The following UNC13C variants were observed in gnomAD, a reference collection of about 807,000 sequenced individuals.
UNC13C encodes protein unc-13 homolog C.
Under a neutral mutation model 245.4 loss-of-function variants are expected in UNC13C, and 174 were observed. The observed-to-expected ratio is 0.71, with a 90% CI of 0.63 to 0.80. UNC13C has a LOEUF of 0.80. Ranked by LOEUF, UNC13C falls within the 30% of genes least tolerant of loss-of-function variation. The probability of loss-of-function intolerance (pLI) is 0.00; values close to 1 mark genes in which losing one functional copy is unlikely to be tolerated. For synonymous variants in UNC13C, 992 were observed against 895.1 expected, an observed-to-expected ratio of 1.11 and a Z score of -1.93; for missense variants, 2,829 against 2,602.9, an observed-to-expected ratio of 1.09 and a Z score of -1.89.
At chr15:54,227,588 C>A (rs2035427365) in intron 4 of UNC13C, among the ~76,000 whole-genome samples, 1 of 152,170 alleles carries the variant, frequency 6.6e-6, no homozygotes, top group African/African-American at 2.4e-5. Flanking sequence ...TCCCTGAGTG[C>A]ACACACACCA....
chr15:54,219,698 C>T (rs1156447742), intron 4 of UNC13C, among the ~76,000 whole-genome samples: 1 of 151,714 alleles, frequency 6.6e-6, no homozygotes, highest in Non-Finnish European at 1.5e-5. Flanking sequence ...GCAACCTACT[C>T]ATCTGTCAAA....
chr15:54,193,764 C>T (rs2034264379), intron 4 of UNC13C, among the ~76,000 whole-genome samples: 1 of 152,074 alleles, frequency 6.6e-6, no homozygotes, highest in Non-Finnish European at 1.5e-5. Flanking sequence ...AAATCATCTC[C>T]CTACAAAGAT....
intron 4 of UNC13C, among the ~76,000 whole-genome samples, chr15:54,205,905 C>A (rs2034694175): frequency 6.6e-6 from 1 of 152,006 alleles, no homozygotes; most frequent in African/African-American, 2.4e-5. Flanking sequence ...AGCTGGGCTT[C>A]TGAGATTTTA....
the UNC13C span, among the ~76,000 whole-genome samples, chr15:53,862,331 T>C: frequency 2.0e-5 from 3 of 152,070 alleles, no homozygotes; most frequent in African/African-American, 7.2e-5. Context: ...AATTACAAGT[T>C]TTTTTCTAGT....
At chr15:54,580,042 G>A (rs560034914) in intron 30 of UNC13C, among the ~76,000 whole-genome samples, 1 of 152,280 alleles carries the variant, frequency 6.6e-6, no homozygotes, top group South Asian at 2.1e-4. Context: ...GGAATCTTGT[G>A]GAAATACTGA....
intron 4 of UNC13C, among the ~76,000 whole-genome samples, chr15:54,196,268 G>A (rs771156072): frequency 1.3e-5 from 2 of 151,916 alleles, no homozygotes; most frequent in Non-Finnish European, 2.9e-5. Flanking sequence ...CAAGCAAACA[G>A]CTGTCAACTG....
chr15:54,041,095 T>C (rs528578599), intron 2 of UNC13C, among the ~76,000 whole-genome samples: 42 of 152,364 alleles, frequency 2.8e-4, no homozygotes, highest in African/African-American at 9.6e-4. Flanking sequence ...TTGTCTGTTT[T>C]GCTTATTAAT....
At chr15:54,117,521 G>GTT (rs1298722395) in intron 2 of UNC13C, among the ~76,000 whole-genome samples, 1 of 94,614 alleles carries the variant, frequency 1.1e-5, no homozygotes, top group Non-Finnish European at 2.2e-5. Context: ...GAACTATTAT[G>GTT]TTTCTCTCTC....
At chr15:54,300,848 T>C (rs559803049) in intron 13 of UNC13C, among the ~76,000 whole-genome samples, 1 of 152,276 alleles carries the variant, frequency 6.6e-6, no homozygotes, top group East Asian at 1.9e-4. Context: ...CCAGAGCTAT[T>C]ATGGTGTCTT....
At chr15:54,235,241 C>T in intron 5 of UNC13C, 133 bp downstream of exon 5, 1 of 615,932 alleles carries the variant, frequency 1.6e-6, no homozygotes, top group Non-Finnish European at 2.8e-6. Flanking sequence ...CCAGATGCTA[C>T]CTGCTGTTAT....
intron 4 of UNC13C, among the ~76,000 whole-genome samples, chr15:54,185,115 GT>G (rs981163379): frequency 6.6e-6 from 1 of 152,026 alleles, no homozygotes; most frequent in Non-Finnish European, 1.5e-5. Context: ...TGACGGGGTT[GT>G]TTGTTTTTTT....
chr15:54,555,631 T>C (rs1046945488), intron 29 of UNC13C, 119 bp downstream of exon 29: 2 of 724,032 alleles, frequency 2.8e-6, no homozygotes, highest in East Asian at 2.8e-5. Context: ...AGATAGTAGA[T>C]AGTTGAATAG....
rs1387874917 is a variant in UNC13C, at chr15:54,627,256, C to G, written c.*143C>G. On this transcript the variant is annotated 3_prime_UTR_variant, in exon 33 of 33. Transcript: ENST00000260323. Reference sequence around the variant, plus strand: ...GTCTACAAGGTATGTAAAAAACCTGCTGAACTTTTATACCAATTCTGGTCT... The same window carrying G: ...GTCTACAAGGTATGTAAAAAACCTGGTGAACTTTTATACCAATTCTGGTCT... The G allele has an allele frequency of 1.2e-6, 1 of 857,440 alleles. No homozygotes were observed. The allele number at this position is 857,440 out of a possible 1,614,324, so 53.1% of individuals were successfully genotyped here.
At chr15:54,146,227 A>T (rs906732083) in intron 4 of UNC13C, among the ~76,000 whole-genome samples, 1 of 152,184 alleles carries the variant, frequency 6.6e-6, no homozygotes, top group African/African-American at 2.4e-5. Flanking sequence ...ATCCTAAAAA[A>T]CTATGACTGG....
intron 4 of UNC13C, among the ~76,000 whole-genome samples, chr15:54,192,113 C>T (rs1335004798): frequency 6.6e-6 from 1 of 152,064 alleles, no homozygotes; most frequent in African/African-American, 2.4e-5. Flanking sequence ...GAGTCTTTGC[C>T]CATGCCTATG....
At chr15:53,919,781 T>A in the UNC13C span, among the ~76,000 whole-genome samples, 1 of 152,200 alleles carries the variant, frequency 6.6e-6, no homozygotes, top group Non-Finnish European at 1.5e-5. Context: ...ATACAACATA[T>A]AACATGCTAT....
Position 54,147,835 on chromosome 15 carries a change from A to G in UNC13C, c.3071+4151A>G, listed in dbSNP as rs572106504. 1.1e-4 allele frequency among the ~76,000 whole-genome samples: 12 copies of G among 106,422 alleles called. 1 individual carries two copies. In the South Asian group the frequency reaches 2.7e-3, roughly 24 times the overall value. The allele number at this position is 106,422 out of a possible 152,430, so 69.8% of individuals were successfully genotyped here. On this transcript the variant is annotated intron_variant, in intron 4 of 32. Coordinates refer to ENST00000260323, the MANE Select transcript of UNC13C (RefSeq NM_001080534.3). ...GTATGTGTGTGTCTATTCTCTAAGCACCAGACTTGCATGCACCACAATTTG... is the reference window on the plus strand; with the variant it reads ...GTATGTGTGTGTCTATTCTCTAAGCGCCAGACTTGCATGCACCACAATTTG...
chr15:54,223,821 G>T (rs2035296956), intron 4 of UNC13C, among the ~76,000 whole-genome samples: 1 of 151,826 alleles, frequency 6.6e-6, no homozygotes, highest in African/African-American at 2.4e-5. Flanking sequence ...TTGCATCAAT[G>T]TTTTGTAGTT....
At chr15:54,509,107 G>A (rs572015863) in intron 23 of UNC13C, among the ~76,000 whole-genome samples, 4 of 152,266 alleles carry the variant, frequency 2.6e-5, no homozygotes, top group African/African-American at 9.6e-5. Flanking sequence ...GCTGAGGCAG[G>A]AGAATTGCTT....
Sources: gnomAD v4.1 joint callset for allele counts (sites outside exome capture counted in the v4.1 genomes callset) on GRCh38, gnomAD v4.1.1 for gene constraint, MANE v1.5 for transcripts, NCBI Gene and HGNC (gene_info 2026-07-23, HGNC 2026-07-21) for gene names.